The following CAST variants were observed in gnomAD, a reference collection of about 807,000 sequenced individuals.
The protein encoded by CAST is calpastatin, also known as MIR583 host.
CAST carries 76 observed loss-of-function variants against 119.6 expected under a neutral mutation model. The ratio of observed to expected loss-of-function variants is 0.64; its 90% CI spans 0.53 to 0.77. CAST has a LOEUF of 0.77. CAST is among the 30% of genes least tolerant of loss of function. The pLI is 0.00. For synonymous variants in CAST, 319 were observed against 331.6 expected, an observed-to-expected ratio of 0.96 and a Z score of 0.41; for missense variants, 953 against 946.5, an observed-to-expected ratio of 1.01 and a Z score of -0.09.
the CAST span, among the ~76,000 whole-genome samples, chr5:96,325,021 A>G: frequency 2.6e-5 from 4 of 152,158 alleles, no homozygotes; most frequent in East Asian, 5.8e-4. Flanking sequence ...CCTTGCCAAC[A>G]TGGTGAAACC....
At chr5:96,026,723 G>A in the CAST span, among the ~76,000 whole-genome samples, 1 of 152,184 alleles carries the variant, frequency 6.6e-6, no homozygotes, top group Non-Finnish European at 1.5e-5. Flanking sequence ...TCTTCTGGTA[G>A]TATAAATGCA....
chr5:96,192,254 G>A, the CAST span, among the ~76,000 whole-genome samples: 1 of 152,316 alleles, frequency 6.6e-6, no homozygotes, highest in African/African-American at 2.4e-5. Flanking sequence ...CAATGCTTGA[G>A]AATGATGGTA....
chr5:96,616,024 CT>C (rs1747449795), intron 1 of CAST, among the ~76,000 whole-genome samples: 1 of 152,132 alleles, frequency 6.6e-6, no homozygotes, highest in Admixed American at 6.5e-5. Context: ...CCAGTCTAGT[CT>C]TTTCACGTTT....
At chr5:96,605,199 G>C (rs17086358) in intron 1 of CAST, among the ~76,000 whole-genome samples, 2,514 of 152,290 alleles carry the variant, frequency 0.017, 56 homozygotes, top group African/African-American at 0.047. Context: ...CATTCAGGTA[G>C]AGCTGTCCTA....
the CAST span, among the ~76,000 whole-genome samples, chr5:95,978,796 T>A: frequency 1.3e-4 from 20 of 152,126 alleles, 1 homozygote; most frequent in Admixed American, 7.2e-4. Context: ...TAATATTTTT[T>A]AAAAAAAACC....
the CAST span, among the ~76,000 whole-genome samples, chr5:96,240,636 T>C: frequency 6.6e-6 from 1 of 152,050 alleles, no homozygotes; most frequent in Admixed American, 6.6e-5. Flanking sequence ...TGATCATAGT[T>C]CACTGCAGCC....
chr5:95,992,346 A>T, the CAST span, among the ~76,000 whole-genome samples: 1 of 152,000 alleles, frequency 6.6e-6, no homozygotes, highest in Non-Finnish European at 1.5e-5. Context: ...ATTATCAGTG[A>T]TGTTATGTGG....
chr5:96,287,037 A>T, the CAST span, among the ~76,000 whole-genome samples: 4 of 152,120 alleles, frequency 2.6e-5, no homozygotes, highest in Non-Finnish European at 5.9e-5. Context: ...ATAAAACTCA[A>T]CTTTTTTTAA....
At chr5:96,725,939 C>T (rs1483783042) in intron 4 of CAST, among the ~76,000 whole-genome samples, 2 of 151,912 alleles carry the variant, frequency 1.3e-5, no homozygotes, top group Admixed American at 1.3e-4. Context: ...TGTTTCCTTC[C>T]CAAAATAGTG....
chr5:96,717,799 T>A (rs1757446146), intron 3 of CAST, among the ~76,000 whole-genome samples: 1 of 152,080 alleles, frequency 6.6e-6, no homozygotes, highest in Admixed American at 6.5e-5. Flanking sequence ...TAATGGAGAA[T>A]CTAAAAATCA....
At chr5:96,521,421 A>C (rs1745517315), upstream of CAST, among the ~76,000 whole-genome samples, 1 of 152,048 alleles carries the variant, frequency 6.6e-6, no homozygotes, top group Admixed American at 6.5e-5. Context: ...CACGTTCCCA[A>C]AGTAATGTTC....
At chr5:96,486,245 T>C in the CAST span, among the ~76,000 whole-genome samples, 2 of 152,132 alleles carry the variant, frequency 1.3e-5, no homozygotes, top group African/African-American at 4.8e-5. Flanking sequence ...GATACTAGTA[T>C]GGCAACGTAC....
intron 1 of CAST, among the ~76,000 whole-genome samples, chr5:96,646,991 C>T (rs1748022009): frequency 1.3e-5 from 2 of 152,094 alleles, no homozygotes; most frequent in East Asian, 3.9e-4. Context: ...ATGAATATAC[C>T]ATCTCCCATT....
At chr5:96,512,908 A>G in the CAST span, among the ~76,000 whole-genome samples, 2 of 152,208 alleles carry the variant, frequency 1.3e-5, no homozygotes, top group Non-Finnish European at 2.9e-5. Flanking sequence ...CATGTAGCAG[A>G]TGAGTAATTA....
At chr5:96,590,736 C>A (rs1235406692) in intron 1 of CAST, among the ~76,000 whole-genome samples, 1 of 152,174 alleles carries the variant, frequency 6.6e-6, no homozygotes, top group Non-Finnish European at 1.5e-5. Flanking sequence ...TCCTATTCTC[C>A]AACTCCTTGC....
intron 1 of CAST, among the ~76,000 whole-genome samples, chr5:96,585,385 G>T (rs1231032026): frequency 6.6e-6 from 1 of 151,964 alleles, no homozygotes; most frequent in African/African-American, 2.4e-5. Context: ...CACTCTTAAG[G>T]CCTTTAATTA....
chr5:96,432,578 A>C, the CAST span, among the ~76,000 whole-genome samples: 1 of 152,116 alleles, frequency 6.6e-6, no homozygotes, highest in African/African-American at 2.4e-5. Flanking sequence ...TTTTCTTCCA[A>C]ACCGCGCGGG....
At chr5:96,659,200 G>A (rs910491863), upstream of CAST, among the ~76,000 whole-genome samples, 1 of 152,344 alleles carries the variant, frequency 6.6e-6, no homozygotes, top group Non-Finnish European at 1.5e-5. Flanking sequence ...AAAGGTTGAG[G>A]TGTTGCAAGA....
At chr5:95,969,089 T>C in the CAST span, among the ~76,000 whole-genome samples, 1 of 152,334 alleles carries the variant, frequency 6.6e-6, no homozygotes, top group African/African-American at 2.4e-5. Flanking sequence ...TCTTATGAGC[T>C]ATCATACGGT....
Sources: gnomAD v4.1 joint callset for allele counts (sites outside exome capture counted in the v4.1 genomes callset) on GRCh38, gnomAD v4.1.1 for gene constraint, MANE v1.5 for transcripts, NCBI Gene and HGNC (gene_info 2026-07-23, HGNC 2026-07-21) for gene names.